The following PPP1R1C variants were observed in gnomAD, a reference collection of about 807,000 sequenced individuals.
PPP1R1C encodes the protein protein phosphatase 1 regulatory subunit 1C.
A neutral mutation model predicts 17.4 loss-of-function variants in PPP1R1C; 15 were observed. The observed-to-expected ratio is 0.86, with a 90% confidence interval of 0.58 to 1.33. PPP1R1C has a LOEUF of 1.33. PPP1R1C is among the 40% of genes most tolerant of loss of function. The pLI is 0.00. For missense variants in PPP1R1C, 143 were observed against 130.0 expected (o/e 1.10, Z -0.48); for synonymous variants, 35 against 43.1 (o/e 0.81, Z 0.73).
intron 4 of PPP1R1C, among the ~76,000 whole-genome samples, chr2:182,101,402 A>G (rs919546574): frequency 6.6e-6 from 1 of 152,210 alleles, no homozygotes; most frequent in South Asian, 2.1e-4. Context: ...CCATAAGAGA[A>G]TCTTTCTCAA....
chr2:182,031,304 G>T (rs916596730), intron 2 of PPP1R1C, among the ~76,000 whole-genome samples: 1 of 152,184 alleles, frequency 6.6e-6, no homozygotes, highest in Non-Finnish European at 1.5e-5. Context: ...TGATAATGAT[G>T]ATTATATTTG....
At chr2:182,036,512 C>T (rs887409737) in intron 2 of PPP1R1C, among the ~76,000 whole-genome samples, 15 of 152,080 alleles carry the variant, frequency 9.9e-5, no homozygotes, top group Non-Finnish European at 1.6e-4. Context: ...ATACTTAATT[C>T]TGCTTTTCTG....
downstream of PPP1R1C, chr2:182,130,905 G>A (rs997539848): frequency 1.3e-5 from 2 of 151,936 alleles, no homozygotes; most frequent in Admixed American, 6.6e-5. Context: ...ACTAAATCCT[G>A]GACTTGCCTA....
In PPP1R1C at chr2:181,978,869, G is replaced by A. The variant is rs917669369; in HGVS notation, n.157+3605G>A. Reference sequence around the variant, plus strand: ...TGTTTCTTCCATTTTTGCAAAAATAGATACCCCAATACCCCTAACTGAGCC... The same window carrying A: ...TGTTTCTTCCATTTTTGCAAAAATAAATACCCCAATACCCCTAACTGAGCC... On this transcript the variant is annotated intron_variant and non_coding_transcript_variant, in intron 2 of 5. Coordinates refer to the PPP1R1C transcript ENST00000464264. Among the ~76,000 whole-genome samples, 5 of 152,054 alleles carry A rather than the reference G, an allele frequency of 3.3e-5. 1 individual carries two copies. The East Asian group carries it at 9.7e-4, about 29-fold the overall frequency.
upstream of PPP1R1C, among the ~76,000 whole-genome samples, chr2:181,981,656 A>G (rs537688271): frequency 3.5e-4 from 53 of 152,322 alleles, 3 homozygotes; most frequent in South Asian, 9.5e-3. Flanking sequence ...GAGTTCTCCA[A>G]CAGGTTACAT....
At chr2:182,119,986 C>T (rs1470486766), downstream of PPP1R1C, among the ~76,000 whole-genome samples, 1 of 152,160 alleles carries the variant, frequency 6.6e-6, no homozygotes, top group Admixed American at 6.5e-5. Flanking sequence ...TTGCCCATGC[C>T]TATGTCCTGA....
At chr2:182,059,547 G>A (rs1687787837) in intron 2 of PPP1R1C, among the ~76,000 whole-genome samples, 1 of 151,996 alleles carries the variant, frequency 6.6e-6, no homozygotes, top group South Asian at 2.1e-4. Flanking sequence ...TTAAAGAGCT[G>A]GCAACTATGA....
chr2:182,021,558 C>A (rs1400036367), intron 2 of PPP1R1C, among the ~76,000 whole-genome samples: 1 of 151,984 alleles, frequency 6.6e-6, no homozygotes, highest in Non-Finnish European at 1.5e-5. Flanking sequence ...TATCTCTTGA[C>A]CTCATGATCC....
intron 4 of PPP1R1C, among the ~76,000 whole-genome samples, chr2:182,107,102 A>G (rs182504952): frequency 2.1e-4 from 32 of 152,330 alleles, no homozygotes; most frequent in African/African-American, 7.0e-4. Context: ...GGGGCACACA[A>G]TTCAATCTAT....
At chr2:181,984,645 C>T (rs1373108955), upstream of PPP1R1C, among the ~76,000 whole-genome samples, 3 of 152,182 alleles carry the variant, frequency 2.0e-5, no homozygotes, top group Non-Finnish European at 2.9e-5. Context: ...ATATTCCTTT[C>T]TATATTCCTT....
intron 2 of PPP1R1C, among the ~76,000 whole-genome samples, chr2:182,046,613 C>A (rs1262060613): frequency 6.6e-6 from 1 of 151,234 alleles, no homozygotes; most frequent in Non-Finnish European, 1.5e-5. Context: ...GTGGCATGCG[C>A]CTGTGATCCC....
chr2:181,962,667 A>G lies in PPP1R1C; in HGVS notation n.111+8033A>G, dbSNP rs1684825159. Reference sequence around the variant, plus strand: ...TTGAATAATCTGGGTCCCACCCTCTAGCCTCAATAAGCAGCTGTTGACCCC... The same window carrying G: ...TTGAATAATCTGGGTCCCACCCTCTGGCCTCAATAAGCAGCTGTTGACCCC... On this transcript the variant is annotated intron_variant and non_coding_transcript_variant, in intron 1 of 5. Coordinates refer to the PPP1R1C transcript ENST00000464264. This position sits in a 1 kb window ranked among gnomAD's most constrained non-coding sequence, Gnocchi z 6.0. 6.6e-6 allele frequency among the ~76,000 whole-genome samples: 1 copy of G among 152,248 alleles called. No individual in the cohort carries two copies. Among genetic ancestry groups the G allele is most frequent in the Admixed American group, 6.5e-5 (1 of 15,292 alleles).
At chr2:182,040,893 T>C (rs1161911449) in intron 2 of PPP1R1C, among the ~76,000 whole-genome samples, 2 of 152,150 alleles carry the variant, frequency 1.3e-5, no homozygotes, top group Non-Finnish European at 2.9e-5. Context: ...CCTAGCACCA[T>C]TTATTGAATA....
chr2:182,092,063 T>A (rs776235307), intron 4 of PPP1R1C, among the ~76,000 whole-genome samples: 6 of 152,186 alleles, frequency 3.9e-5, no homozygotes, highest in Non-Finnish European at 7.3e-5. Flanking sequence ...AAAGTAGGAA[T>A]AATTAAGCTG....
At chr2:182,051,410 G>A (rs1277763503) in intron 2 of PPP1R1C, among the ~76,000 whole-genome samples, 1 of 152,130 alleles carries the variant, frequency 6.6e-6, no homozygotes. Flanking sequence ...TTCCAGTGCA[G>A]GCCTATACAG....
chr2:182,026,595 C>T (rs1686619642), intron 2 of PPP1R1C, among the ~76,000 whole-genome samples: 1 of 151,850 alleles, frequency 6.6e-6, no homozygotes. Flanking sequence ...CAGTACCATG[C>T]TGTTTTGGTT....
chr2:182,006,337 C>A (rs1685924108), intron 2 of PPP1R1C, among the ~76,000 whole-genome samples: 1 of 152,072 alleles, frequency 6.6e-6, no homozygotes, highest in Non-Finnish European at 1.5e-5. Context: ...AAAAATATTG[C>A]CTTTTTATTT....
intron 4 of PPP1R1C, among the ~76,000 whole-genome samples, chr2:182,106,395 G>A (rs2125231171): frequency 6.6e-6 from 1 of 152,334 alleles, no homozygotes; most frequent in South Asian, 2.1e-4. Context: ...AAAGTGCACA[G>A]ACAAGCACCA....
intron 4 of PPP1R1C, among the ~76,000 whole-genome samples, chr2:182,076,192 C>CTTTTTTTT (rs1688296764): frequency 1.9e-4 from 5 of 25,838 alleles, no homozygotes; most frequent in African/African-American, 3.1e-4. Flanking sequence ...TTTTTTTTTT[C>CTTTTTTTT]TTTTCTTTTT....
Sources: allele counts gnomAD v4.1 joint callset (sites outside exome capture counted in the v4.1 genomes callset), GRCh38; gene constraint gnomAD v4.1.1; non-coding constraint Gnocchi (gnomAD v3.1); transcripts MANE v1.5; gene names NCBI Gene and HGNC (gene_info 2026-07-23, HGNC 2026-07-21).